Variants in HEXIM2 observed in about 807,000 individuals in gnomAD.
HEXIM2 encodes HEXIM P-TEFb complex subunit 2, also known as protein HEXIM2.
For missense variants in HEXIM2, 413 were observed against 390.8 expected (o/e 1.06, Z -0.48); for synonymous variants, 159 against 162.7 (o/e 0.98, Z 0.17).
At chr17:45,161,665 C>G (rs2042697559), upstream of HEXIM2, among the ~76,000 whole-genome samples, 1 of 152,208 alleles carries the variant, frequency 6.6e-6, no homozygotes, top group South Asian at 2.1e-4. Context: ...TCCAGTTGTG[C>G]CTCCTCACAG....
chr17:45,168,725 T>C, intron 3 of HEXIM2: 1 of 358,188 alleles, frequency 2.8e-6, no homozygotes, highest in Non-Finnish European at 5.1e-6. Flanking sequence ...ATTTGGACAG[T>C]ATTTATGGAA....
At position 45,161,882 on chromosome 17, in the gene HEXIM2, C is replaced by T. The variant is rs902376915; in HGVS notation, c.-342C>T. The T allele has an allele frequency of 2.0e-6, 2 of 985,222 alleles. No homozygotes were observed. Among genetic ancestry groups the T allele is most frequent in the African/African-American group, 1.8e-5 (1 of 56,998 alleles). The allele number at this position is 985,222 out of a possible 1,614,324, so 61.0% of individuals were successfully genotyped here. A position where few individuals can be genotyped will look rare whatever the true frequency, so the allele number is the denominator to read the frequency against. ...GCACCGCGCGTCCAGGCTCTCTCTT[C>T]CCCCCCATCTTAGTGGCCTGAGCGG... On this transcript the variant is annotated 5_prime_UTR_variant, in exon 1 of 4. Transcript: ENST00000589230.
chr17:45,167,751 C>T (rs1317713508), intron 3 of HEXIM2, among the ~76,000 whole-genome samples: 1 of 152,064 alleles, frequency 6.6e-6, no homozygotes, highest in Non-Finnish European at 1.5e-5. Context: ...CCCGCCATCA[C>T]ACCCAGCTAA....
upstream of HEXIM2, chr17:45,160,724 G>A: frequency 2.5e-6 from 1 of 393,570 alleles, no homozygotes; most frequent in South Asian, 1.8e-5. Flanking sequence ...TCACCAAGAG[G>A]CTGGCGACAT....
At chr17:45,166,868 A>G (rs1598140867) in intron 3 of HEXIM2, among the ~76,000 whole-genome samples, 2 of 151,550 alleles carry the variant, frequency 1.3e-5, no homozygotes, top group Non-Finnish European at 2.9e-5. Flanking sequence ...TACTAAAAAT[A>G]CAAAAAATTA....
At chr17:45,161,867 T>C (rs2042704647), upstream of HEXIM2, 2 of 985,570 alleles carry the variant, frequency 2.0e-6, no homozygotes, top group Non-Finnish European at 1.2e-6. Flanking sequence ...GCACCGCGCG[T>C]CCAGGCTCTC....
upstream of HEXIM2, among the ~76,000 whole-genome samples, chr17:45,160,394 G>C (rs1020035414): frequency 6.6e-6 from 1 of 151,556 alleles, no homozygotes; most frequent in African/African-American, 2.4e-5. Flanking sequence ...AAAATACTCT[G>C]ACTTTGTTTA....
At position 45,169,784 on chromosome 17, in the gene HEXIM2, G is replaced by T. The variant is rs200017941; in HGVS notation, c.836G>T (p.Arg279Leu). ...CAGATGTGGAACCGAGAGGGCTGCC[G>T]CTGTGATGAGGAGCCGGGTACCTAG... ...ENQMWNREGC[R>L]CDEEPGT The change falls in exon 4 of 4, where the codon CGC becomes CTC. Residue 279 changes from arginine to leucine, a missense_variant. By Grantham distance (102) the Arg-to-Leu change is moderately radical (BLOSUM62 -2). Coordinates refer to ENST00000589230, the MANE Select transcript of HEXIM2 (RefSeq NM_001303441.2). 4.1e-6 allele frequency: 6 copies of T among 1,448,350 alleles called. No individual in the cohort carries two copies. The Admixed American group carries it at 8.2e-5, about 20-fold the overall frequency. 89.7% of individuals were successfully genotyped at this position (1,448,350 alleles called of 1,614,324 possible).
At chr17:45,161,000 G>A (rs1297213925), upstream of HEXIM2, 2 of 1,263,038 alleles carry the variant, frequency 1.6e-6, no homozygotes, top group Non-Finnish European at 2.1e-6. Context: ...CTGCCACGCC[G>A]ACTTGTGGCC....
upstream of HEXIM2, chr17:45,160,782 G>A (rs1318403074): frequency 7.3e-6 from 4 of 550,690 alleles, no homozygotes; most frequent in Non-Finnish European, 1.3e-5. Flanking sequence ...GAGAGATCTT[G>A]AGGGCAAGAG....
intron 3 of HEXIM2, among the ~76,000 whole-genome samples, chr17:45,164,767 C>T (rs766638889): frequency 1.1e-4 from 17 of 152,202 alleles, no homozygotes; most frequent in Non-Finnish European, 2.1e-4. Context: ...TTGTTCGGCC[C>T]ATGTTCTCTC....
At position 45,169,287 on chromosome 17, in the gene HEXIM2, A is replaced by G. The variant is rs765928774; in HGVS notation, c.339A>G (p.Lys113=). The change falls in exon 4 of 4, where the codon AAA becomes AAG. Residue 113 remains lysine (K), a synonymous_variant. Coordinates refer to ENST00000589230, the MANE Select transcript of HEXIM2 (RefSeq NM_001303441.2). ...ACCTGGAGCTGAGCTGGGCTGAGAAACAACAGCGGGATGAGAGGCAGAGCC... is the reference window on the plus strand; with the variant it reads ...ACCTGGAGCTGAGCTGGGCTGAGAAGCAACAGCGGGATGAGAGGCAGAGCC... ...RPYLELSWAE[K]QQRDERQSQR... 2 of 1,613,830 alleles carry G rather than the reference A, an allele frequency of 1.2e-6. No individual in the cohort carries two copies. Among genetic ancestry groups the G allele is most frequent in the Non-Finnish European group, 1.7e-6 (2 of 1,180,010 alleles).
upstream of HEXIM2, chr17:45,160,795 T>C: frequency 1.6e-6 from 1 of 635,242 alleles, no homozygotes; most frequent in Non-Finnish European, 2.6e-6. Context: ...GGCAAGAGCC[T>C]CAGAGACCTT....
In HEXIM2 at chr17:45,162,596, C is replaced by T; in HGVS notation, c.-84C>T. 5.7e-6 allele frequency: 8 copies of T among 1,414,444 alleles called. No individual in the cohort carries two copies. Among genetic ancestry groups the T allele is most frequent in the South Asian group, 1.5e-5 (1 of 68,848 alleles). The allele number at this position is 1,414,444 out of a possible 1,614,324, so 87.6% of individuals were successfully genotyped here. A position where few individuals can be genotyped will look rare whatever the true frequency, so the allele number is the denominator to read the frequency against. On this transcript the variant is annotated 5_prime_UTR_variant, in exon 2 of 4. Coordinates refer to ENST00000589230, the MANE Select transcript of HEXIM2 (RefSeq NM_001303441.2). ...TGCTGGCTGGAGGTGTGAAAACCAG[C>T]GGTGGAGGCAGCCTTCGGGGCCTGC... is the stretch of plus-strand genomic sequence containing the variant.
Position 45,169,782 on chromosome 17 carries a change from C to T in HEXIM2, c.834C>T (p.Cys278=). 6.9e-7 allele frequency: 1 copy of T among 1,449,932 alleles called. No individual in the cohort carries two copies. Among genetic ancestry groups the T allele is most frequent in the South Asian group, 1.4e-5 (1 of 69,854 alleles). The allele number at this position is 1,449,932 out of a possible 1,614,324, so 89.8% of individuals were successfully genotyped here. A position where few individuals can be genotyped will look rare whatever the true frequency, so the allele number is the denominator to read the frequency against. The change falls in exon 4 of 4, where the codon TGC becomes TGT. Residue 278 remains cysteine, a synonymous_variant. Coordinates refer to ENST00000589230, the MANE Select transcript of HEXIM2 (RefSeq NM_001303441.2). ...QENQMWNREG[C]RCDEEPGT Reference sequence around the variant, plus strand: ...ACCAGATGTGGAACCGAGAGGGCTGCCGCTGTGATGAGGAGCCGGGTACCT... The same window carrying T: ...ACCAGATGTGGAACCGAGAGGGCTGTCGCTGTGATGAGGAGCCGGGTACCT...
chr17:45,168,151 T>C (rs2042915832), intron 3 of HEXIM2, among the ~76,000 whole-genome samples: 1 of 149,122 alleles, frequency 6.7e-6, no homozygotes, highest in Non-Finnish European at 1.5e-5. Flanking sequence ...CCCAAAGTGC[T>C]GGGATTACAG....
intron 3 of HEXIM2, among the ~76,000 whole-genome samples, chr17:45,163,240 C>T (rs142159945): frequency 7.6e-5 from 11 of 145,604 alleles, no homozygotes; most frequent in African/African-American, 2.5e-4. Flanking sequence ...GCAGGAGAAT[C>T]GCTTGAACCC....
At chr17:45,163,998 T>C (rs2042772223) in intron 3 of HEXIM2, among the ~76,000 whole-genome samples, 1 of 149,240 alleles carries the variant, frequency 6.7e-6, no homozygotes. Flanking sequence ...CTACTAAAAA[T>C]ACAAAAATTA....
upstream of HEXIM2, chr17:45,160,875 T>A: frequency 3.1e-6 from 4 of 1,287,298 alleles, no homozygotes; most frequent in Non-Finnish European, 4.1e-6. Flanking sequence ...TAGTGGTTGC[T>A]ACAGTAGTTT....
Sources: gnomAD v4.1 joint callset for allele counts (sites outside exome capture counted in the v4.1 genomes callset) on GRCh38, gnomAD v4.1.1 for gene constraint, MANE v1.5 for transcripts, NCBI Gene and HGNC (gene_info 2026-07-23, HGNC 2026-07-21) for gene names.